Variants in NDE1 observed in about 807,000 individuals in gnomAD.
NDE1 encodes the protein nuclear distribution protein nudE homolog 1.
Under a neutral mutation model 43.4 loss-of-function variants are expected in NDE1, and 28 were observed. The ratio of observed to expected loss-of-function variants is 0.65; its 90% confidence interval spans 0.48 to 0.89. NDE1 has a LOEUF of 0.89. Ranked by LOEUF, NDE1 falls within the 40% of genes least tolerant of loss-of-function variation. NDE1 has a pLI of 0.00. For missense variants in NDE1, 441 were observed against 434.1 expected (o/e 1.02, Z -0.14); for synonymous variants, 184 against 172.0 (o/e 1.07, Z -0.55).
At chr16:15,688,991 G>C (rs981895080) in intron 5 of NDE1, among the ~76,000 whole-genome samples, 2 of 151,970 alleles carry the variant, frequency 1.3e-5, no homozygotes, top group Non-Finnish European at 2.9e-5. Flanking sequence ...GGTCACTGTT[G>C]CTGGCCCAAT....
At chr16:15,678,400 C>A (rs2151071925) in intron 4 of NDE1, among the ~76,000 whole-genome samples, 1 of 152,200 alleles carries the variant, frequency 6.6e-6, no homozygotes, top group South Asian at 2.1e-4. Context: ...CGGAGAGTCT[C>A]TGTCGCCAGG....
At chr16:15,689,471 G>A (rs991921562) in intron 5 of NDE1, among the ~76,000 whole-genome samples, 7 of 152,152 alleles carry the variant, frequency 4.6e-5, no homozygotes, top group South Asian at 2.1e-4. Flanking sequence ...CAGCCTGGGT[G>A]ACTGAGTCAG....
At chr16:15,689,184 ATGT>A (rs1445996890) in intron 5 of NDE1, among the ~76,000 whole-genome samples, 1 of 152,192 alleles carries the variant, frequency 6.6e-6, no homozygotes, top group Non-Finnish European at 1.5e-5. Context: ...GTAGATAGAA[ATGT>A]TGTGGTAGAA....
At position 15,661,644 on chromosome 16, in the gene NDE1, AG is replaced by A. The variant is rs1484340850; in HGVS notation, c.-43-3090del. ...TTTTTTGTAGAGATAGGGTCTCACC[AG>A]GTTGCCCAGGCTGGTCTGGAACTCC... On this transcript the variant is annotated intron_variant, in intron 1 of 8. Transcript: ENST00000396354. 1.2e-4 allele frequency among the ~76,000 whole-genome samples: 18 copies of A among 151,674 alleles called. No individual in the cohort carries two copies. The South Asian group carries it at 3.3e-3, about 28-fold the overall frequency.
intron 1 of NDE1, among the ~76,000 whole-genome samples, chr16:15,661,701 A>C (rs2037054135): frequency 6.7e-6 from 1 of 150,234 alleles, no homozygotes; most frequent in Non-Finnish European, 1.5e-5. Context: ...GCTTTGGCCT[A>C]CCAATGTGCT....
intron 8 of NDE1, chr16:15,714,600 A>C: frequency 1.9e-6 from 1 of 514,092 alleles, no homozygotes; most frequent in Non-Finnish European, 3.5e-6. Context: ...TCAGTGATGC[A>C]ATGAAGGAGG....
intron 8 of NDE1, chr16:15,703,254 A>C (rs1450278156): frequency 4.6e-6 from 1 of 218,020 alleles, no homozygotes; most frequent in Non-Finnish European, 9.2e-6. Flanking sequence ...ATGTGACTAC[A>C]GAAGGCACTT....
chr16:15,681,108 T>C (rs1596598428), intron 4 of NDE1, among the ~76,000 whole-genome samples: 1 of 151,322 alleles, frequency 6.6e-6, no homozygotes, highest in South Asian at 2.1e-4. Flanking sequence ...TTTTGCAATA[T>C]TTTTTAATTG....
intron 2 of NDE1, among the ~76,000 whole-genome samples, chr16:15,666,604 A>G (rs1296548460): frequency 1.3e-5 from 2 of 152,070 alleles, no homozygotes; most frequent in African/African-American, 4.8e-5. Flanking sequence ...GCAAGACTCT[A>G]TCTCAAATAA....
chr16:15,717,399 G>C lies in NDE1; in HGVS notation c.948-6792G>C, dbSNP rs376998025. ...GGCGGACTCAGGGAAGCCCAAGAGAGCGCACTGAGACCATGCCTCTTCCTG... is the reference window on the plus strand; with the variant it reads ...GGCGGACTCAGGGAAGCCCAAGAGACCGCACTGAGACCATGCCTCTTCCTG... On this transcript the variant is annotated intron_variant, in intron 8 of 8. Transcript: ENST00000396354. 4 of 1,584,592 alleles carry C rather than the reference G, an allele frequency of 2.5e-6. No individual in the cohort carries two copies. The African/African-American group carries it at 5.4e-5, about 21-fold the overall frequency.
intron 8 of NDE1, chr16:15,719,371 C>T: frequency 6.4e-7 from 1 of 1,563,652 alleles, no homozygotes. Flanking sequence ...CAAGAGTCCA[C>T]CCTGACAACT....
intron 8 of NDE1, chr16:15,719,183 C>G (rs1219628090): frequency 6.3e-7 from 1 of 1,599,280 alleles, no homozygotes; most frequent in South Asian, 1.1e-5. Context: ...CCCCCATCCT[C>G]TGCTTCAGAG....
chr16:15,718,113 G>T, intron 8 of NDE1: 2 of 779,546 alleles, frequency 2.6e-6, no homozygotes, highest in African/African-American at 1.7e-5. Flanking sequence ...AGACACTGCA[G>T]CGTGGAGAGG....
At chr16:15,688,860 G>T (rs1040481310) in intron 5 of NDE1, among the ~76,000 whole-genome samples, 3 of 151,298 alleles carry the variant, frequency 2.0e-5, no homozygotes, top group Non-Finnish European at 4.4e-5. Context: ...ACCATGCCTG[G>T]CTAATTTTTA....
chr16:15,677,749 A>T (rs2037960963), intron 3 of NDE1, 52 bp from the exon 4 acceptor site: 1 of 1,608,390 alleles, frequency 6.2e-7, no homozygotes, highest in Non-Finnish European at 8.5e-7. Flanking sequence ...TACTGTGTCT[A>T]GCCTTCTCAG....
intron 8 of NDE1, among the ~76,000 whole-genome samples, chr16:15,710,318 C>T (rs903922940): frequency 6.6e-6 from 1 of 151,932 alleles, no homozygotes; most frequent in East Asian, 1.9e-4. Context: ...GTCAGGAGAT[C>T]GAGACCATCC....
intron 1 of NDE1, among the ~76,000 whole-genome samples, chr16:15,644,258 G>A (rs1353397621): frequency 6.6e-6 from 1 of 152,148 alleles, no homozygotes; most frequent in Non-Finnish European, 1.5e-5. Flanking sequence ...ATTGCCAAAC[G>A]AGAATATTTT....
In NDE1 at chr16:15,688,244, C is replaced by T. The variant is rs145402297; in HGVS notation, c.523+733C>T. ...GCCAGCTAGCCTATTATTTTTGTGA[C>T]TTGATGGCAACCAATATATTTGGCT... On this transcript the variant is annotated intron_variant, in intron 5 of 8. Coordinates refer to ENST00000396354, the MANE Select transcript of NDE1 (RefSeq NM_017668.3). 2.0e-3 allele frequency among the ~76,000 whole-genome samples: 299 copies of T among 152,192 alleles called. 2 individuals carry two copies. The highest frequency in any genetic ancestry group is 3.2e-3 in the Non-Finnish European group (221 of 68,002).
intron 2 of NDE1, 148 bp from the exon 3 acceptor site, chr16:15,667,138 C>G (rs887378692): frequency 8.9e-6 from 8 of 902,480 alleles, no homozygotes; most frequent in East Asian, 7.4e-5. Flanking sequence ...CCCAGCTACT[C>G]GGGAGACTGA....
Sources: allele counts gnomAD v4.1 joint callset (sites outside exome capture counted in the v4.1 genomes callset), GRCh38; gene constraint gnomAD v4.1.1; transcripts MANE v1.5; gene names NCBI Gene and HGNC (gene_info 2026-07-23, HGNC 2026-07-21).